SLC24A2: variants seen among roughly 807,000 people sequenced by gnomAD.
SLC24A2 encodes solute carrier family 24 member 2, also known as sodium/potassium/calcium exchanger 2.
SLC24A2 carries 36 observed loss-of-function variants against 62.0 expected under a neutral mutation model. That is an observed-to-expected ratio of 0.58 (90% CI 0.44 to 0.77). SLC24A2 has a LOEUF of 0.77. SLC24A2 is among the 30% of genes least tolerant of loss of function. SLC24A2 has a pLI of 0.00. For synonymous variants in SLC24A2, 358 were observed against 294.0 expected (o/e 1.22, Z -2.23); for missense variants, 846 against 817.9 (o/e 1.03, Z -0.42).
At chr9:19,866,879 T>A in the SLC24A2 span, among the ~76,000 whole-genome samples, 5 of 151,830 alleles carry the variant, frequency 3.3e-5, no homozygotes, top group Non-Finnish European at 7.4e-5. Context: ...AACCCATGGA[T>A]ATAGAGAGTA....
intron 2 of SLC24A2, among the ~76,000 whole-genome samples, chr9:19,724,488 CAACTT>C (rs1300857672): frequency 1.3e-5 from 2 of 152,172 alleles, no homozygotes; most frequent in African/African-American, 4.8e-5. Context: ...AATGTCTAAA[CAACTT>C]GACATGCCTT....
At chr9:19,874,147 T>G in the SLC24A2 span, among the ~76,000 whole-genome samples, 2 of 148,992 alleles carry the variant, frequency 1.3e-5, no homozygotes, top group Non-Finnish European at 3.0e-5. Context: ...TGGCATGATC[T>G]TGGCTCACTG....
At chr9:20,164,005 G>A in the SLC24A2 span, among the ~76,000 whole-genome samples, 9 of 152,196 alleles carry the variant, frequency 5.9e-5, no homozygotes, top group Non-Finnish European at 1.0e-4. Context: ...AGACTTACAT[G>A]TTAGACCTAA....
At chr9:19,926,132 C>G in the SLC24A2 span, 54 of 152,178 alleles carry the variant, frequency 3.5e-4, no homozygotes, top group African/African-American at 1.2e-3. Context: ...GTCACGATTC[C>G]CCTTAGTAGT....
chr9:19,623,153 C>A (rs373086594), intron 2 of SLC24A2, among the ~76,000 whole-genome samples: 1 of 152,184 alleles, frequency 6.6e-6, no homozygotes, highest in Non-Finnish European at 1.5e-5. Context: ...TCTCCTTCTT[C>A]GCCAGAACCG....
chr9:19,825,413 A>G, the SLC24A2 span, among the ~76,000 whole-genome samples: 119,225 of 152,050 alleles, frequency 0.78, 49,787 homozygotes, highest in Non-Finnish European at 0.94. Context: ...TGAATGAGGA[A>G]CTTATATCTA....
At chr9:20,007,658 C>T in the SLC24A2 span, among the ~76,000 whole-genome samples, 2 of 152,044 alleles carry the variant, frequency 1.3e-5, no homozygotes, top group African/African-American at 2.4e-5. Flanking sequence ...ACTAATCACT[C>T]TTCTCAACAG....
intron 7 of SLC24A2, among the ~76,000 whole-genome samples, chr9:19,551,287 G>A (rs1489459205): frequency 3.3e-5 from 5 of 152,194 alleles, no homozygotes; most frequent in Non-Finnish European, 7.3e-5. Context: ...AACCTGCACG[G>A]GGTGTCGGAG....
chr9:19,850,932 CATATATATATATACATAT>C, the SLC24A2 span, among the ~76,000 whole-genome samples: 200 of 48,784 alleles, frequency 4.1e-3, 3 homozygotes, highest in Admixed American at 6.9e-3. Flanking sequence ...CTCATGTGGG[CATATATATATATACATAT>C]ATATATATAT....
chr9:19,834,339 C>T, the SLC24A2 span, among the ~76,000 whole-genome samples: 8 of 151,912 alleles, frequency 5.3e-5, no homozygotes, highest in South Asian at 2.1e-4. Context: ...AAAAATTAGA[C>T]GAATGGATAA....
the SLC24A2 span, among the ~76,000 whole-genome samples, chr9:20,159,867 G>A: frequency 6.6e-6 from 1 of 151,496 alleles, no homozygotes; most frequent in Admixed American, 6.6e-5. Context: ...AAGAAGTCAT[G>A]CCATCTGAAG....
At chr9:20,008,156 A>G in the SLC24A2 span, among the ~76,000 whole-genome samples, 1 of 151,708 alleles carries the variant, frequency 6.6e-6, no homozygotes, top group African/African-American at 2.4e-5. Flanking sequence ...TCAGCCTCCC[A>G]AAGTGCTGAG....
chr9:19,713,843 T>A (rs1293302015), intron 2 of SLC24A2, among the ~76,000 whole-genome samples: 1 of 152,162 alleles, frequency 6.6e-6, no homozygotes, highest in African/African-American at 2.4e-5. Context: ...CTAGATGAAT[T>A]TATAAGATGC....
the SLC24A2 span, among the ~76,000 whole-genome samples, chr9:20,230,474 C>G: frequency 6.6e-6 from 1 of 152,234 alleles, no homozygotes; most frequent in African/African-American, 2.4e-5. Flanking sequence ...TTGCATTTCT[C>G]TGATGGCCAG....
At chr9:20,164,024 A>G in the SLC24A2 span, among the ~76,000 whole-genome samples, 28 of 152,320 alleles carry the variant, frequency 1.8e-4, no homozygotes, top group African/African-American at 6.7e-4. Context: ...AAAACCATAA[A>G]AACCCTAGAA....
At chr9:19,667,562 G>A (rs1228709887) in intron 2 of SLC24A2, among the ~76,000 whole-genome samples, 1 of 152,028 alleles carries the variant, frequency 6.6e-6, no homozygotes, top group African/African-American at 2.4e-5. Flanking sequence ...AGGTCTTCTA[G>A]CCTCTAGTCT....
At chr9:20,086,139 T>C in the SLC24A2 span, among the ~76,000 whole-genome samples, 2 of 152,150 alleles carry the variant, frequency 1.3e-5, no homozygotes, top group Non-Finnish European at 2.9e-5. Context: ...CCATCAAAAA[T>C]CTCCTAATAT....
At chr9:20,022,901 TCAC>T in the SLC24A2 span, among the ~76,000 whole-genome samples, 1 of 152,208 alleles carries the variant, frequency 6.6e-6, no homozygotes, top group East Asian at 1.9e-4. Context: ...CTATGCATGT[TCAC>T]CACATTAATG....
rs368105849 is a variant in SLC24A2 at position 19,628,760 on chromosome 9, C to A, written c.931-6461G>T. Among the ~76,000 whole-genome samples the A allele has an allele frequency of 3.9e-5, 6 of 152,292 alleles. No homozygotes were observed. The East Asian group carries it at 9.6e-4, about 24-fold the overall frequency. On this transcript the variant is annotated intron_variant, in intron 2 of 10. Coordinates refer to ENST00000341998, the MANE Select transcript of SLC24A2 (RefSeq NM_020344.4). ...AACCTTTTGGCTTCCCTGAGCCACA[C>A]TGGAAGAAGAACTATCTTAGGCCAC...
Sources: gnomAD v4.1 joint callset for allele counts (sites outside exome capture counted in the v4.1 genomes callset) on GRCh38, gnomAD v4.1.1 for gene constraint, MANE v1.5 for transcripts, NCBI Gene and HGNC (gene_info 2026-07-23, HGNC 2026-07-21) for gene names.